The following AGO3 variants were observed in gnomAD, a reference collection of about 807,000 sequenced individuals.
The protein encoded by AGO3 is protein argonaute-3.
In AGO3, 16 loss-of-function variants were observed where a neutral mutation model predicts 105.5. That is an observed-to-expected ratio of 0.15 (90% confidence interval 0.10 to 0.23). The LOEUF (loss-of-function observed/expected upper bound fraction) is 0.23, where lower values mean the gene tolerates loss of function less well. AGO3 is among the 10% of genes least tolerant of loss of function. AGO3 has a pLI of 1.00. For synonymous variants in AGO3, 340 were observed against 367.3 expected, an observed-to-expected ratio of 0.93 and a Z score of 0.85; for missense variants, 534 against 1,088.0, an observed-to-expected ratio of 0.49 and a Z score of 7.16.
intron 5 of AGO3, chr1:35,982,898 G>A: frequency 2.5e-6 from 1 of 404,434 alleles, no homozygotes; most frequent in East Asian, 3.8e-5. Context: ...TAAACTACAA[G>A]CCTGGCATAT....
intron 2 of AGO3, among the ~76,000 whole-genome samples, chr1:35,956,628 T>C (rs564865211): frequency 2.0e-5 from 3 of 151,746 alleles, no homozygotes; most frequent in African/African-American, 7.2e-5. Flanking sequence ...ATCATGATTT[T>C]CTTTTTTTGT....
In AGO3 at chr1:35,966,979, G is replaced by A. The variant is rs934706531; in HGVS notation, c.216G>A (p.Gln72=). The A allele has an allele frequency of 1.9e-6, 3 of 1,612,980 alleles. No individual in the cohort carries two copies. The highest frequency in any genetic ancestry group is 2.5e-6 in the Non-Finnish European group (3 of 1,179,588). ...GGGAGGTGGTTGACTCAATGGTTCA[G>A]CATTTTAAAGTAACTATATTTGGAG... is the stretch of plus-strand genomic sequence containing the variant. The part of the protein sequence containing the change: ...VNREVVDSMV[Q]HFKVTIFGDR... The change falls in exon 3 of 19, where the codon CAG becomes CAA. Residue 72 remains glutamine (Q), a synonymous_variant. Transcript: ENST00000373191.
chr1:36,008,778 G>GT lies in AGO3; in HGVS notation c.881+2dup. On this transcript the variant is annotated splice_donor_variant, in intron 7 of 18. Coordinates refer to ENST00000373191, the MANE Select transcript of AGO3 (RefSeq NM_024852.4). LOFTEE classifies it high-confidence loss of function. This position sits in a 1 kb window ranked among gnomAD's most constrained non-coding sequence, Gnocchi z 5.1. ...CAAGGAGGCCTGCCAGTCATCAAAC[G>GT]TAAGAAAAGTTTGTCAGAGCAGCGA... 6.2e-7 allele frequency: 1 copy of GT among 1,614,126 alleles called. No homozygotes were observed. The highest frequency in any genetic ancestry group is 1.1e-5 in the South Asian group (1 of 91,080).
chr1:35,948,528 G>A (rs1012798973), intron 2 of AGO3, among the ~76,000 whole-genome samples: 1 of 127,336 alleles, frequency 7.9e-6, no homozygotes, highest in East Asian at 2.6e-4. Context: ...CACTGTGCCC[G>A]GCCGGAACAG....
chr1:35,960,597 C>G (rs1261275396), intron 2 of AGO3, among the ~76,000 whole-genome samples: 3 of 151,970 alleles, frequency 2.0e-5, no homozygotes, highest in Admixed American at 2.0e-4. Context: ...TGCTTGAACC[C>G]AGGAGTTGGA....
chr1:35,944,023 C>G (rs933575887), intron 1 of AGO3, among the ~76,000 whole-genome samples: 2 of 152,118 alleles, frequency 1.3e-5, no homozygotes. Context: ...TTTATTCATT[C>G]ATCTATCAGT....
At chr1:36,014,828 G>A (rs555205137) in intron 11 of AGO3, among the ~76,000 whole-genome samples, 1 of 150,302 alleles carries the variant, frequency 6.7e-6, no homozygotes, top group Non-Finnish European at 1.5e-5. Context: ...GTTAGTCATA[G>A]TAAATTCCTT....
intron 2 of AGO3, among the ~76,000 whole-genome samples, chr1:35,965,648 T>C (rs1240703676): frequency 6.6e-6 from 1 of 152,000 alleles, no homozygotes; most frequent in African/African-American, 2.4e-5. Flanking sequence ...TAGAAGAGGC[T>C]TGATACTGTT....
rs987917940 is a variant in AGO3 at position 36,015,190 on chromosome 1, C to T, written c.1406+1142C>T. 2.6e-5 allele frequency among the ~76,000 whole-genome samples: 4 copies of T among 152,262 alleles called. No homozygotes were observed. The East Asian group carries it at 7.7e-4, about 29-fold the overall frequency. On this transcript the variant is annotated intron_variant, in intron 11 of 18. Transcript: ENST00000373191. Reference sequence around the variant, plus strand: ...TTCAAGATAGATTCGTCTGATAGAGCAGCTCACAGAACTAGGGAAACACTT... The same window carrying T: ...TTCAAGATAGATTCGTCTGATAGAGTAGCTCACAGAACTAGGGAAACACTT...
At chr1:35,949,981 G>A (rs1380402192) in intron 2 of AGO3, among the ~76,000 whole-genome samples, 1 of 152,156 alleles carries the variant, frequency 6.6e-6, no homozygotes, top group Non-Finnish European at 1.5e-5. Flanking sequence ...CCAGCACTTT[G>A]GGAGGCTGAG....
At chr1:36,029,598 G>C (rs539378466) in intron 12 of AGO3, among the ~76,000 whole-genome samples, 5 of 150,912 alleles carry the variant, frequency 3.3e-5, no homozygotes, top group African/African-American at 1.2e-4. Context: ...GGGTTTCACC[G>C]TGTTAGCCAG....
chr1:35,984,175 A>C (rs1322191335), intron 5 of AGO3, among the ~76,000 whole-genome samples: 1 of 152,192 alleles, frequency 6.6e-6, no homozygotes. Flanking sequence ...AAACATATCC[A>C]AAAAATAAAT....
chr1:36,038,468 G>A (rs1045231915), intron 14 of AGO3, among the ~76,000 whole-genome samples: 2 of 151,976 alleles, frequency 1.3e-5, no homozygotes, highest in African/African-American at 4.8e-5. Context: ...TGTTAGCCAG[G>A]ATGGTCTTGA....
chr1:35,994,588 ACT>A (rs1491462745), intron 5 of AGO3, among the ~76,000 whole-genome samples: 5 of 151,692 alleles, frequency 3.3e-5, no homozygotes, highest in African/African-American at 4.9e-5. Context: ...AAGAAATAAA[ACT>A]CTGTTTGTAG....
intron 2 of AGO3, among the ~76,000 whole-genome samples, chr1:35,948,372 C>G (rs186560971): frequency 6.6e-6 from 1 of 151,966 alleles, no homozygotes; most frequent in African/African-American, 2.4e-5. Flanking sequence ...CACCTGCCAC[C>G]ATGACCAGCT....
intron 5 of AGO3, among the ~76,000 whole-genome samples, chr1:35,998,740 A>G (rs1639953799): frequency 6.6e-6 from 1 of 152,136 alleles, no homozygotes; most frequent in Non-Finnish European, 1.5e-5. Flanking sequence ...AGCATTTGTT[A>G]AACATATTGT....
At chr1:35,983,984 A>G (rs1026578601) in intron 5 of AGO3, among the ~76,000 whole-genome samples, 1 of 152,176 alleles carries the variant, frequency 6.6e-6, no homozygotes, top group Non-Finnish European at 1.5e-5. Context: ...ATGTAAATCC[A>G]TATTTGAAAC....
intron 4 of AGO3, 104 bp downstream of exon 4, chr1:35,972,336 C>A: frequency 7.8e-7 from 1 of 1,274,850 alleles, no homozygotes; most frequent in Non-Finnish European, 1.1e-6. Context: ...TTTGATTGTT[C>A]AACTGAAATG....
At chr1:36,052,614 A>G (rs932557033) in intron 17 of AGO3, among the ~76,000 whole-genome samples, 3 of 152,226 alleles carry the variant, frequency 2.0e-5, no homozygotes, top group Non-Finnish European at 2.9e-5. Flanking sequence ...ATCATTATAC[A>G]TTATATATGT....
Sources: gnomAD v4.1 joint callset for allele counts (sites outside exome capture counted in the v4.1 genomes callset) on GRCh38, gnomAD v4.1.1 for gene constraint, Gnocchi (gnomAD v3.1) non-coding constraint, MANE v1.5 for transcripts, NCBI Gene and HGNC (gene_info 2026-07-23, HGNC 2026-07-21) for gene names.